The following DGKB variants were observed in gnomAD, a reference collection of about 807,000 sequenced individuals.
The protein encoded by DGKB is 90 kDa diacylglycerol kinase.
A neutral mutation model predicts 114.3 loss-of-function variants in DGKB; 67 were observed. That is an observed-to-expected ratio of 0.59 (90% confidence interval 0.48 to 0.72). The LOEUF is 0.72. DGKB is among the 30% of genes least tolerant of loss of function. The probability of loss-of-function intolerance (pLI) is 0.00; values close to 1 mark genes in which losing one functional copy is unlikely to be tolerated. For missense variants in DGKB, 907 were observed against 975.2 expected (o/e 0.93, Z 0.93); for synonymous variants, 398 against 323.1 (o/e 1.23, Z -2.49).
At chr7:14,447,835 C>T (rs751589140) in intron 21 of DGKB, among the ~76,000 whole-genome samples, 1 of 152,006 alleles carries the variant, frequency 6.6e-6, no homozygotes, top group Non-Finnish European at 1.5e-5. Flanking sequence ...TTGACTTTGA[C>T]GGTGTCGGGA....
At chr7:14,399,582 T>A (rs1273449169) in intron 21 of DGKB, among the ~76,000 whole-genome samples, 1 of 151,850 alleles carries the variant, frequency 6.6e-6, no homozygotes, top group Admixed American at 6.6e-5. Flanking sequence ...AAATGTGAAT[T>A]GATTACTATG....
chr7:14,575,314 C>A (rs932918276), intron 19 of DGKB, among the ~76,000 whole-genome samples: 1 of 152,130 alleles, frequency 6.6e-6, no homozygotes, highest in Non-Finnish European at 1.5e-5. Context: ...TCCCTCTTAA[C>A]CCAGCCTGCA....
intron 2 of DGKB, among the ~76,000 whole-genome samples, chr7:14,776,228 A>C (rs1175865714): frequency 6.6e-6 from 1 of 152,220 alleles, no homozygotes; most frequent in Non-Finnish European, 1.5e-5. Flanking sequence ...GAGGAAGCAG[A>C]GAATGAAAGT....
At chr7:14,276,359 A>G (rs1293276365) in intron 23 of DGKB, among the ~76,000 whole-genome samples, 1 of 152,214 alleles carries the variant, frequency 6.6e-6, no homozygotes, top group African/African-American at 2.4e-5. Context: ...TTCAAAAAGT[A>G]TTTTCTCAAC....
intron 1 of DGKB, among the ~76,000 whole-genome samples, chr7:14,859,545 A>C (rs1256875702): frequency 2.6e-5 from 4 of 152,116 alleles, no homozygotes; most frequent in Non-Finnish European, 5.9e-5. Context: ...GTGGGTTACA[A>C]TAGATATAGA....
chr7:14,610,594 A>C (rs1179983110), intron 16 of DGKB, among the ~76,000 whole-genome samples: 1 of 152,094 alleles, frequency 6.6e-6, no homozygotes, highest in Non-Finnish European at 1.5e-5. Flanking sequence ...TTTTATAAAC[A>C]AATTCTTATG....
chr7:14,574,149 A>G, intron 20 of DGKB, 63 bp downstream of exon 20: 1 of 1,319,966 alleles, frequency 7.6e-7, no homozygotes, highest in Non-Finnish European at 1.0e-6. Flanking sequence ...TCATAGTTTA[A>G]AAGTTTTCTC....
At chr7:14,484,683 T>C (rs1783504768) in intron 20 of DGKB, among the ~76,000 whole-genome samples, 1 of 152,172 alleles carries the variant, frequency 6.6e-6, no homozygotes, top group Admixed American at 6.5e-5. Flanking sequence ...CAGCCTCAGG[T>C]GTTTCTTTAC....
chr7:14,460,279 C>A (rs767521399), intron 21 of DGKB, among the ~76,000 whole-genome samples: 1 of 151,876 alleles, frequency 6.6e-6, no homozygotes, highest in Non-Finnish European at 1.5e-5. Context: ...GGGGGAAATG[C>A]CCTAATCAAA....
intron 13 of DGKB, among the ~76,000 whole-genome samples, chr7:14,671,048 T>C (rs946690314): frequency 6.6e-6 from 1 of 152,148 alleles, no homozygotes; most frequent in African/African-American, 2.4e-5. Flanking sequence ...CTTAAAATAA[T>C]ATGGGTCCTG....
intron 2 of DGKB, among the ~76,000 whole-genome samples, chr7:14,782,154 A>G (rs930729133): frequency 6.6e-6 from 1 of 152,080 alleles, no homozygotes; most frequent in African/African-American, 2.4e-5. Context: ...TCTCCTGACT[A>G]ACTGGGACTA....
chr7:14,916,498 G>A (rs563868320), intron 1 of DGKB, among the ~76,000 whole-genome samples: 4 of 152,150 alleles, frequency 2.6e-5, no homozygotes, highest in Non-Finnish European at 5.9e-5. Context: ...TGGATTAACT[G>A]TATTAATTTC....
intron 13 of DGKB, among the ~76,000 whole-genome samples, chr7:14,652,357 C>G (rs1814732984): frequency 6.6e-6 from 1 of 152,134 alleles, no homozygotes; most frequent in Admixed American, 6.5e-5. Flanking sequence ...ATATCTACAA[C>G]TATCCGATCT....
At chr7:14,274,942 AGT>A (rs10538591) in intron 23 of DGKB, among the ~76,000 whole-genome samples, 50,386 of 146,006 alleles carry the variant, frequency 0.35, 8,905 homozygotes, top group Admixed American at 0.44. Flanking sequence ...AGTCCATAGC[AGT>A]GTGTGTGTGT....
chr7:14,954,534 C>A (rs947252902), intron 1 of DGKB, among the ~76,000 whole-genome samples: 1 of 151,778 alleles, frequency 6.6e-6, no homozygotes, highest in African/African-American at 2.4e-5. Flanking sequence ...AAAATAAACT[C>A]GAAAGAAACC....
At chr7:14,609,766 A>AAAC (rs1352595638) in intron 16 of DGKB, among the ~76,000 whole-genome samples, 1 of 152,038 alleles carries the variant, frequency 6.6e-6, no homozygotes, top group East Asian at 1.9e-4. Context: ...AAACATATGA[A>AAAC]AACATGCTTA....
chr7:14,870,855 G>A lies in DGKB; in HGVS notation c.-187-29405C>T, dbSNP rs1387042426. Among the ~76,000 whole-genome samples, 11 of 6,864 alleles carry A rather than the reference G, an allele frequency of 1.6e-3. 5 individuals carry two copies. The highest frequency in any genetic ancestry group is 1.7e-3 in the African/African-American group (11 of 6,516). 4.5% of individuals were successfully genotyped at this position (6,864 alleles called of 152,430 possible). On this transcript the variant is annotated intron_variant, in intron 1 of 25. Coordinates refer to ENST00000402815, the MANE Select transcript of DGKB (RefSeq NM_001350709.2). Reference sequence around the variant, plus strand: ...GCCTGTAATCCCAGCACTTTGGGAGGCCGAGGCGGGCGGATCACGAGGTCA... The same window carrying A: ...GCCTGTAATCCCAGCACTTTGGGAGACCGAGGCGGGCGGATCACGAGGTCA...
intron 23 of DGKB, among the ~76,000 whole-genome samples, chr7:14,178,684 A>G (rs1782177739): frequency 6.6e-6 from 1 of 152,200 alleles, no homozygotes; most frequent in Non-Finnish European, 1.5e-5. Flanking sequence ...CTGTAGTAAT[A>G]GGTAACTGTA....
chr7:14,565,385 A>C (rs1354607408), intron 20 of DGKB, among the ~76,000 whole-genome samples: 4 of 152,212 alleles, frequency 2.6e-5, no homozygotes, highest in Non-Finnish European at 5.9e-5. Context: ...GTGAATAATA[A>C]AATGGTTAGC....
Sources: gnomAD v4.1 joint callset for allele counts (sites outside exome capture counted in the v4.1 genomes callset) on GRCh38, gnomAD v4.1.1 for gene constraint, MANE v1.5 for transcripts, NCBI Gene and HGNC (gene_info 2026-07-23, HGNC 2026-07-21) for gene names.